Variants in GABRA1 observed in about 807,000 individuals in gnomAD.
GABRA1 encodes gamma-aminobutyric acid receptor subunit alpha-1.
In GABRA1, 9 loss-of-function variants were observed where a neutral mutation model predicts 48.9. The ratio of observed to expected loss-of-function variants is 0.18; its 90% CI spans 0.11 to 0.32. The LOEUF (loss-of-function observed/expected upper bound fraction) is 0.32. Ranked by LOEUF, GABRA1 falls within the 10% of genes least tolerant of loss-of-function variation. The pLI, the probability that GABRA1 is intolerant of heterozygous loss-of-function variation, is 1.00. For missense variants in GABRA1, 285 were observed against 553.8 expected (o/e 0.51, Z 4.87); for synonymous variants, 210 against 198.7 (o/e 1.06, Z -0.48).
chr5:161,862,024 A>G (rs1394717741), intron 3 of GABRA1, among the ~76,000 whole-genome samples: 1 of 151,910 alleles, frequency 6.6e-6, no homozygotes, highest in Non-Finnish European at 1.5e-5. Flanking sequence ...CCAATACCAT[A>G]TTAAACAAAT....
At chr5:161,891,139 AAT>A (rs1561584849) in intron 8 of GABRA1, 89 bp downstream of exon 8, 1 of 1,188,894 alleles carries the variant, frequency 8.4e-7, no homozygotes, top group African/African-American at 1.5e-5. Context: ...AATAAAAAAA[AAT>A]ATACACTCAA....
intron 5 of GABRA1, among the ~76,000 whole-genome samples, chr5:161,874,244 T>C (rs1754247519): frequency 6.6e-6 from 1 of 152,144 alleles, no homozygotes; most frequent in East Asian, 1.9e-4. Flanking sequence ...CCAGAATGCC[T>C]AGCTTTTCAA....
intron 3 of GABRA1, among the ~76,000 whole-genome samples, chr5:161,859,935 T>C (rs1434064539): frequency 6.6e-6 from 1 of 151,836 alleles, no homozygotes; most frequent in Non-Finnish European, 1.5e-5. Flanking sequence ...TTTGAAATTC[T>C]ACTCTGGAAT....
At chr5:161,874,902 C>G (rs183301608) in intron 5 of GABRA1, among the ~76,000 whole-genome samples, 16 of 151,646 alleles carry the variant, frequency 1.1e-4, no homozygotes, top group Admixed American at 3.3e-4. Flanking sequence ...CAAAACAAAA[C>G]AAGAATAGAT....
intron 2 of GABRA1, among the ~76,000 whole-genome samples, chr5:161,852,325 A>G (rs979461163): frequency 3.3e-5 from 5 of 151,888 alleles, no homozygotes; most frequent in Non-Finnish European, 7.4e-5. Flanking sequence ...TAAACACTCT[A>G]TATTTTAAGA....
chr5:161,855,758 T>C (rs1581179780), intron 3 of GABRA1, among the ~76,000 whole-genome samples: 1 of 151,486 alleles, frequency 6.6e-6, no homozygotes, highest in African/African-American at 2.4e-5. Context: ...AGCAAGACTT[T>C]TGAAAATACT....
chr5:161,856,698 T>TG (rs2113317705), intron 3 of GABRA1, among the ~76,000 whole-genome samples: 1 of 151,412 alleles, frequency 6.6e-6, no homozygotes, highest in East Asian at 1.9e-4. Context: ...TTTTTGGAAT[T>TG]TTTTTTAATC....
chr5:161,896,882 T>C (rs565742725), intron 9 of GABRA1, among the ~76,000 whole-genome samples: 1 of 152,210 alleles, frequency 6.6e-6, no homozygotes, highest in African/African-American at 2.4e-5. Flanking sequence ...AGTGGTAACA[T>C]CTACCTTATT....
intron 3 of GABRA1, among the ~76,000 whole-genome samples, chr5:161,858,297 T>A (rs1464951341): frequency 6.6e-6 from 1 of 151,732 alleles, no homozygotes; most frequent in Non-Finnish European, 1.5e-5. Flanking sequence ...ATGCTCCTGC[T>A]GTACTGCACC....
chr5:161,851,644 C>T (rs907740549), intron 2 of GABRA1, among the ~76,000 whole-genome samples: 2 of 152,052 alleles, frequency 1.3e-5, no homozygotes, highest in African/African-American at 4.8e-5. Flanking sequence ...ATAATAAAAA[C>T]ATGAGTTTAT....
At chr5:161,867,371 T>C (rs1370143549) in intron 4 of GABRA1, among the ~76,000 whole-genome samples, 4 of 152,098 alleles carry the variant, frequency 2.6e-5, no homozygotes, top group South Asian at 2.1e-4. Flanking sequence ...CTGTCACTTG[T>C]TCCCAATATT....
rs768499906 is a variant in GABRA1, at chr5:161,882,710, G to T, written c.703+9G>T. The T allele has an allele frequency of 1.2e-6, 2 of 1,611,978 alleles. No individual in the cohort carries two copies. Among genetic ancestry groups the T allele is most frequent in the Non-Finnish European group, 1.7e-6 (2 of 1,178,486 alleles). On this transcript the variant is annotated intron_variant, in intron 7 of 9. Coordinates refer to ENST00000393943, the MANE Select transcript of GABRA1 (RefSeq NM_001127644.2). Reference sequence around the variant, plus strand: ...TGTCCAGTCAAGTACAGGTAAGTACGATTTTGTTACTTCAGTTATGGAGGA... The same window carrying T: ...TGTCCAGTCAAGTACAGGTAAGTACTATTTTGTTACTTCAGTTATGGAGGA...
chr5:161,865,797 A>T lies in GABRA1; in HGVS notation c.255+9A>T, dbSNP rs1207742446. 1 of 1,607,006 alleles carries T rather than the reference A, an allele frequency of 6.2e-7. No individual in the cohort carries two copies. On this transcript the variant is annotated intron_variant, in intron 4 of 9. Transcript: ENST00000393943. Reference sequence around the variant, plus strand: ...TTTCAGACCATGATATGGTAAGTGGACACTTTATCTTTGCTTTTCTTGAAG... The same window carrying T: ...TTTCAGACCATGATATGGTAAGTGGTCACTTTATCTTTGCTTTTCTTGAAG...
At chr5:161,891,083 G>A (rs769877612) in intron 8 of GABRA1, 33 bp downstream of exon 8, 1 of 1,601,376 alleles carries the variant, frequency 6.2e-7, no homozygotes, top group Non-Finnish European at 8.6e-7. Flanking sequence ...ACGCAAGGAA[G>A]GGTATGGAAG....
intron 3 of GABRA1, among the ~76,000 whole-genome samples, chr5:161,857,596 G>A (rs952004732): frequency 1.3e-5 from 2 of 151,490 alleles, no homozygotes; most frequent in Non-Finnish European, 3.0e-5. Context: ...CTCCAGGAAG[G>A]GATTTTTAAA....
At position 161,890,902 on chromosome 5, in the gene GABRA1, A is replaced by C; in HGVS notation, c.708A>C (p.Glu236Asp). 1 of 1,613,420 alleles carries C rather than the reference A, an allele frequency of 6.2e-7. No homozygotes were observed. The change falls in exon 8 of 10, where the codon GAA (glutamate) becomes GAC (aspartate). Residue 236 changes from glutamate to aspartate, a missense_variant. Physicochemically the swap from Glu to Asp is conservative, Grantham distance 45 (BLOSUM62 2). Transcript: ENST00000393943. ...DSGIVQSSTG[E>D]YVVMTTHFHL... ...CTTGTGTGTTTTACTTCTCAGGAGA[A>C]TATGTTGTTATGACCACTCATTTCC...
At chr5:161,872,694 A>G (rs1370400113) in intron 4 of GABRA1, among the ~76,000 whole-genome samples, 2 of 152,148 alleles carry the variant, frequency 1.3e-5, no homozygotes, top group Non-Finnish European at 2.9e-5. Flanking sequence ...AGGGCCCCCA[A>G]AACACTAGGC....
intron 4 of GABRA1, among the ~76,000 whole-genome samples, chr5:161,871,566 C>A (rs572003699): frequency 6.6e-6 from 1 of 152,306 alleles, no homozygotes; most frequent in South Asian, 2.1e-4. Context: ...TCTCCCTTCC[C>A]ATGGAAAATA....
intron 4 of GABRA1, among the ~76,000 whole-genome samples, chr5:161,866,315 C>A (rs1665559405): frequency 6.6e-6 from 1 of 151,992 alleles, no homozygotes; most frequent in Admixed American, 6.6e-5. Flanking sequence ...AAGTATTATC[C>A]AGAGTGGAAA....
Sources: gnomAD v4.1 joint callset for allele counts (sites outside exome capture counted in the v4.1 genomes callset) on GRCh38, gnomAD v4.1.1 for gene constraint, MANE v1.5 for transcripts, NCBI Gene and HGNC (gene_info 2026-07-23, HGNC 2026-07-21) for gene names.